The following FRYL variants were observed in gnomAD, a reference collection of about 807,000 sequenced individuals.
FRYL encodes protein furry homolog-like.
In FRYL, 150 loss-of-function variants were observed where a neutral mutation model predicts 351.2. That is an observed-to-expected ratio of 0.43 (90% CI 0.37 to 0.49). FRYL has a LOEUF of 0.49. Ranked by LOEUF, FRYL falls within the 20% of genes least tolerant of loss-of-function variation. FRYL has a pLI of 0.00. For missense variants in FRYL, 3,036 were observed against 3,619.3 expected (o/e 0.84, Z 4.13); for synonymous variants, 1,153 against 1,257.1 (o/e 0.92, Z 1.75).
At chr4:48,533,945 G>T (rs1389415013) in intron 49 of FRYL, among the ~76,000 whole-genome samples, 4 of 152,166 alleles carry the variant, frequency 2.6e-5, no homozygotes, top group Non-Finnish European at 4.4e-5. Flanking sequence ...AGAACAATGA[G>T]GCCAGGCACG....
intron 18 of FRYL, among the ~76,000 whole-genome samples, chr4:48,587,908 T>C (rs913983116): frequency 6.6e-6 from 1 of 152,204 alleles, no homozygotes; most frequent in Non-Finnish European, 1.5e-5. Flanking sequence ...CAGTCCTCTT[T>C]TTACATGGTT....
intron 43 of FRYL, among the ~76,000 whole-genome samples, chr4:48,544,499 T>A (rs1200506835): frequency 1.3e-5 from 2 of 152,218 alleles, no homozygotes; most frequent in Non-Finnish European, 2.9e-5. Context: ...CCAATTTCTA[T>A]ATACGTCCGT....
At chr4:48,770,158 T>C (rs1329537379) in intron 1 of FRYL, among the ~76,000 whole-genome samples, 1 of 152,224 alleles carries the variant, frequency 6.6e-6, no homozygotes, top group African/African-American at 2.4e-5. Context: ...GTTAAGGTTA[T>C]TAATATGTTA....
intron 2 of FRYL, among the ~76,000 whole-genome samples, chr4:48,694,701 A>G (rs1338883028): frequency 2.0e-5 from 3 of 152,222 alleles, no homozygotes; most frequent in African/African-American, 7.2e-5. Flanking sequence ...ATTACAGGAA[A>G]AACAAGTGTT....
intron 16 of FRYL, among the ~76,000 whole-genome samples, chr4:48,592,110 A>T (rs1294873999): frequency 7.7e-5 from 10 of 130,540 alleles, no homozygotes; most frequent in African/African-American, 2.3e-4. Flanking sequence ...ATATATATAT[A>T]TATATTTTAT....
intron 1 of FRYL, among the ~76,000 whole-genome samples, chr4:48,721,250 C>A (rs1209481467): frequency 6.6e-6 from 1 of 152,024 alleles, no homozygotes; most frequent in Non-Finnish European, 1.5e-5. Context: ...TATCCTCTAA[C>A]CAGCCCAGAA....
At position 48,501,873 on chromosome 4, in the gene FRYL, G is replaced by T. The variant is rs1285465926; in HGVS notation, c.8482-140C>A. 1.2e-5 allele frequency: 7 copies of T among 599,586 alleles called. 1 individual carries two copies. In the South Asian group the frequency reaches 1.2e-4, roughly 11 times the overall value. The allele number at this position is 599,586 out of a possible 1,614,324, so 37.1% of individuals were successfully genotyped here. On this transcript the variant is annotated intron_variant, in intron 61 of 63. Transcript: ENST00000358350. Reference sequence around the variant, plus strand: ...TAATATGGTATGAAGCTGATGAAAGGCACGTGAAATATGCTTTAAAGACTA... The same window carrying T: ...TAATATGGTATGAAGCTGATGAAAGTCACGTGAAATATGCTTTAAAGACTA...
chr4:48,607,239 T>C (rs146260924), intron 9 of FRYL, among the ~76,000 whole-genome samples: 255 of 152,254 alleles, frequency 1.7e-3, no homozygotes, highest in African/African-American at 5.7e-3. Context: ...CTATATATTA[T>C]GAAACAACTA....
At chr4:48,580,972 G>C in intron 21 of FRYL, 21 bp from the exon 22 acceptor site, 1 of 1,512,902 alleles carries the variant, frequency 6.6e-7, no homozygotes, top group Non-Finnish European at 8.9e-7. Context: ...GACATCATAT[G>C]TCTAAAAAAA....
At chr4:48,641,501 G>C (rs964591833) in intron 3 of FRYL, among the ~76,000 whole-genome samples, 2 of 152,162 alleles carry the variant, frequency 1.3e-5, no homozygotes, top group African/African-American at 4.8e-5. Flanking sequence ...TGCAGCCTTT[G>C]CCAATATCCT....
chr4:48,757,305 T>C (rs866637743), intron 1 of FRYL, among the ~76,000 whole-genome samples: 1 of 152,204 alleles, frequency 6.6e-6, no homozygotes, highest in Non-Finnish European at 1.5e-5. Flanking sequence ...AAATTGTCCC[T>C]GTTTGCAGAT....
chr4:48,640,804 T>C (rs1755171735), intron 3 of FRYL, among the ~76,000 whole-genome samples: 1 of 152,100 alleles, frequency 6.6e-6, no homozygotes, highest in African/African-American at 2.4e-5. Flanking sequence ...AGCTGATTAA[T>C]TTACAAAAGA....
chr4:48,536,186 C>A (rs376729230), intron 47 of FRYL, among the ~76,000 whole-genome samples: 2 of 152,306 alleles, frequency 1.3e-5, no homozygotes, highest in East Asian at 3.9e-4. Context: ...AGTGACTACA[C>A]AGGCAGATAT....
chr4:48,714,738 T>C (rs1022245659), intron 1 of FRYL, among the ~76,000 whole-genome samples: 7 of 150,744 alleles, frequency 4.6e-5, no homozygotes, highest in South Asian at 2.1e-4. Flanking sequence ...TTCCAATCAA[T>C]AGAAAAAGAG....
intron 4 of FRYL, among the ~76,000 whole-genome samples, chr4:48,623,452 G>A (rs1018405680): frequency 6.6e-6 from 1 of 152,182 alleles, no homozygotes; most frequent in Non-Finnish European, 1.5e-5. Context: ...ACAAGTTTAA[G>A]TTTGATAGTT....
chr4:48,642,726 T>G (rs1236494136), intron 3 of FRYL, among the ~76,000 whole-genome samples: 1 of 152,162 alleles, frequency 6.6e-6, no homozygotes, highest in Non-Finnish European at 1.5e-5. Context: ...TAATCCATTA[T>G]TCACTCAGCT....
At chr4:48,700,815 TAAAA>T (rs752255645) in intron 2 of FRYL, among the ~76,000 whole-genome samples, 1 of 136,498 alleles carries the variant, frequency 7.3e-6, no homozygotes, top group Non-Finnish European at 1.6e-5. Flanking sequence ...AAAATTAAAT[TAAAA>T]AAAAAAAAAA....
intron 26 of FRYL, 76 bp downstream of exon 26, chr4:48,573,110 C>G (rs1412984164): frequency 2.7e-6 from 3 of 1,121,806 alleles, no homozygotes; most frequent in Non-Finnish European, 4.0e-6. Context: ...TTCGTAATTT[C>G]TAACTTTTGA....
At chr4:48,679,569 G>C (rs1764297613) in intron 3 of FRYL, among the ~76,000 whole-genome samples, 1 of 151,950 alleles carries the variant, frequency 6.6e-6, no homozygotes, top group Non-Finnish European at 1.5e-5. Flanking sequence ...GGAGAGATTT[G>C]TTAAAAGATA....
Sources: gnomAD v4.1 joint callset for allele counts (sites outside exome capture counted in the v4.1 genomes callset) on GRCh38, gnomAD v4.1.1 for gene constraint, MANE v1.5 for transcripts, NCBI Gene and HGNC (gene_info 2026-07-23, HGNC 2026-07-21) for gene names.